KTI12: variants seen among roughly 807,000 people sequenced by gnomAD.
KTI12 encodes protein KTI12 homolog.
In KTI12, 8 loss-of-function variants were observed where a neutral mutation model predicts 8.8. That is an observed-to-expected ratio of 0.91 (90% confidence interval 0.53 to 1.64). KTI12 has a LOEUF of 1.64. Ranked by LOEUF, KTI12 falls within the 40% of genes most tolerant of loss-of-function variation. KTI12 has a pLI of 0.00. For missense variants in KTI12, 490 were observed against 492.1 expected (o/e 1.00, Z 0.04); for synonymous variants, 216 against 220.1 (o/e 0.98, Z 0.17).
rs752135997 is a variant in KTI12, at chr1:52,032,723, GAAGA to G, written c.1035_1038del (p.Leu346SerfsTer3). 841 of 1,611,916 alleles carry G rather than the reference GAAGA, an allele frequency of 5.2e-4. No individual in the cohort carries two copies. Among genetic ancestry groups the G allele is most frequent in the Non-Finnish European group, 6.9e-4 (813 of 1,178,730 alleles). On this transcript the variant is annotated frameshift_variant, in exon 1 of 1. Transcript: ENST00000371614. LOFTEE classifies it high-confidence loss of function. ...CAGTGCAGGCTCTGGCTCAAATACT[GAAGA>G]AACATGTTGGCCAGTTGCGGCAAGT...
rs1189631426 is a variant in KTI12, at chr1:52,032,854, G to T, written c.908C>A (p.Thr303Asn). 1.2e-6 allele frequency: 2 copies of T among 1,614,226 alleles called. No homozygotes were observed. The highest frequency in any genetic ancestry group is 2.2e-5 in the South Asian group (2 of 91,084). Residue 303 changes from threonine to asparagine, a missense_variant, in exon 1 of 1, where the codon ACC becomes AAC. Coordinates refer to ENST00000371614, the MANE Select transcript of KTI12 (RefSeq NM_138417.3). The part of the protein sequence containing the change: ...VPGDLLTLPG[T>N]TEHLRFTRPL... The stretch of plus-strand genomic sequence containing the variant: ...CCGGGTAAACCGCAAGTGCTCTGTG[G>T]TACCAGGAAGCGTGAGCAAGTCCCC...
rs1685819316 is a variant in KTI12, at chr1:52,033,492, C to T, written c.270G>A (p.Glu90=). The T allele has an allele frequency of 6.2e-7, 1 of 1,613,774 alleles. No individual in the cohort carries two copies. The highest frequency in any genetic ancestry group is 1.1e-5 in the South Asian group (1 of 91,090). Residue 90 remains glutamate (E), a synonymous_variant, in exon 1 of 1, where the codon GAG becomes GAA. Coordinates refer to ENST00000371614, the MANE Select transcript of KTI12 (RefSeq NM_138417.3). ...SLNYIKGFRY[E]LYCLARAART... ...GCGCCGCCCGTGCCAGGCAGTAGAGCTCGTAACGGAAACCTTTGATGTAGT... is the reference window on the plus strand; with the variant it reads ...GCGCCGCCCGTGCCAGGCAGTAGAGTTCGTAACGGAAACCTTTGATGTAGT...
chr1:52,032,305 G>A lies in KTI12; in HGVS notation c.*392C>T, dbSNP rs1185024385. The A allele has an allele frequency of 3.0e-6, 3 of 1,006,398 alleles. No individual in the cohort carries two copies. The highest frequency in any genetic ancestry group is 1.0e-4 in the East Asian group (1 of 9,716). 62.3% of individuals were successfully genotyped at this position (1,006,398 alleles called of 1,614,324 possible). ...AAAGGGCAGGTGCAGATGTAGAACT[G>A]TACCATCTTCAGTTTCTGTTCACAA... On this transcript the variant is annotated 3_prime_UTR_variant, in exon 1 of 1. Transcript: ENST00000371614.
At position 52,032,440 on chromosome 1, in the gene KTI12, C is replaced by A. The variant is rs2809918; in HGVS notation, c.*257G>T. The stretch of plus-strand genomic sequence containing the variant: ...CCAAGTAGGATCCAATCTAGGTAAT[C>A]CCTGTCCACCTTAGCTCTGTCCTCT... On this transcript the variant is annotated 3_prime_UTR_variant, in exon 1 of 1. Transcript: ENST00000371614. 51,918 of 1,239,744 alleles carry A rather than the reference C, an allele frequency of 0.042. 1,228 individuals are homozygous for A. Among genetic ancestry groups the A allele is most frequent in the Non-Finnish European group, 0.046 (45,180 of 989,878 alleles). 76.8% of individuals were successfully genotyped at this position (1,239,744 alleles called of 1,614,324 possible). A position where few individuals can be genotyped will look rare whatever the true frequency, so the allele number is the denominator to read the frequency against.
Position 52,033,662 on chromosome 1 carries a change from C to G in KTI12, c.100G>C (p.Val34Leu). ...CCCAGGACAGCTGCGTCGTCCACCA[C>G]GTACACCGCGCGGCCCTCGGCAGCC... Reference protein sequence around the residue: ...ALAAEGRAVYVVDDAAVLGAE... With the variant: ...ALAAEGRAVYLVDDAAVLGAE... Residue 34 changes from valine (V) to leucine (L), a missense_variant, in exon 1 of 1, where the codon GTG becomes CTG. Transcript: ENST00000371614. 1 of 1,611,276 alleles carries G rather than the reference C, an allele frequency of 6.2e-7. No individual in the cohort carries two copies. Among genetic ancestry groups the G allele is most frequent in the South Asian group, 1.1e-5 (1 of 91,058 alleles).
chr1:52,033,453 G>A lies in KTI12; in HGVS notation c.309C>T (p.Cys103=), dbSNP rs1685817983. 2 of 1,613,114 alleles carry A rather than the reference G, an allele frequency of 1.2e-6. No homozygotes were observed. The highest frequency in any genetic ancestry group is 1.7e-6 in the Non-Finnish European group (2 of 1,179,538). The change falls in exon 1 of 1, where the codon TGC becomes TGT. Residue 103 remains cysteine, a synonymous_variant. Coordinates refer to ENST00000371614, the MANE Select transcript of KTI12 (RefSeq NM_138417.3). ...CLARAARTPL[C]LVYCVRPGGP... ...CGCCGGGCCGTACGCAGTAGACCAG[G>A]CAGAGCGGGGTGCGCGCCGCCCGTG... is the stretch of plus-strand genomic sequence containing the variant.
At position 52,032,382 on chromosome 1, in the gene KTI12, G is replaced by A; in HGVS notation, c.*315C>T. The A allele has an allele frequency of 8.9e-7, 1 of 1,119,538 alleles. No individual in the cohort carries two copies. The highest frequency in any genetic ancestry group is 4.4e-5 in the Admixed American group (1 of 22,756). The allele number at this position is 1,119,538 out of a possible 1,614,324, so 69.4% of individuals were successfully genotyped here. A position where few individuals can be genotyped will look rare whatever the true frequency, so the allele number is the denominator to read the frequency against. ...CAGTCTGCTCTCCCACGCCTCAGAT[G>A]AGGGAAGCCAATGGTCAATGCTCTG... On this transcript the variant is annotated 3_prime_UTR_variant, in exon 1 of 1. Coordinates refer to ENST00000371614, the MANE Select transcript of KTI12 (RefSeq NM_138417.3).
rs746337963 is a variant in KTI12 at position 52,033,277 on chromosome 1, A to G, written c.485T>C (p.Val162Ala). Residue 162 changes from valine (V) to alanine (A), a missense_variant, in exon 1 of 1, where the codon GTA becomes GCA. By Grantham distance (64) the Val-to-Ala change is moderately conservative. Coordinates refer to ENST00000371614, the MANE Select transcript of KTI12 (RefSeq NM_138417.3). The stretch of plus-strand genomic sequence containing the variant: ...TACGTCGGCCTGGGCACTTCCATTT[A>G]CTACAGAGTCCGCAGTATGCAGTTC... ...LRELHTADSV[V>A]NGSAQADVPK... The G allele has an allele frequency of 5.0e-6, 8 of 1,613,768 alleles. No individual in the cohort carries two copies. The highest frequency in any genetic ancestry group is 6.8e-6 in the Non-Finnish European group (8 of 1,179,924).
Position 52,033,404 on chromosome 1 carries a change from C to T in KTI12, c.358G>A (p.Ala120Thr), listed in dbSNP as rs1341351705. 6.9e-7 allele frequency: 1 copy of T among 1,451,274 alleles called. No homozygotes were observed. The highest frequency in any genetic ancestry group is 1.5e-5 in the African/African-American group (1 of 66,302). 89.9% of individuals were successfully genotyped at this position (1,451,274 alleles called of 1,614,324 possible). The change falls in exon 1 of 1, where the codon GCG becomes ACG. Residue 120 changes from alanine (A) to threonine (T), a missense_variant. Ala to Thr is a moderately conservative substitution (Grantham distance 58). Transcript: ENST00000371614. Reference sequence around the variant, plus strand: ...CGGCCAGGGTTCTCGTTCGCGCCCGCCACCTGAGGTCCCGCGATCGGGCCG... The same window carrying T: ...CGGCCAGGGTTCTCGTTCGCGCCCGTCACCTGAGGTCCCGCGATCGGGCCG... Reference protein sequence around the residue: ...PGGPIAGPQVAGANENPGRNV... With the variant: ...PGGPIAGPQVTGANENPGRNV...
rs1454166828 is a variant in KTI12, at chr1:52,033,429, G to A, written c.333C>T (p.Gly111=). The A allele has an allele frequency of 2.5e-6, 4 of 1,611,422 alleles. No homozygotes were observed. The African/African-American group carries it at 5.3e-5, about 22-fold the overall frequency. The change falls in exon 1 of 1, where the codon GGC becomes GGT. Residue 111 remains glycine (G), a synonymous_variant. Transcript: ENST00000371614. ...CCACCTGAGGTCCCGCGATCGGGCCGCCGGGCCGTACGCAGTAGACCAGGC... is the reference window on the plus strand; with the variant it reads ...CCACCTGAGGTCCCGCGATCGGGCCACCGGGCCGTACGCAGTAGACCAGGC... ...PLCLVYCVRP[G]GPIAGPQVAG...
chr1:52,033,323 C>A lies in KTI12; in HGVS notation c.439G>T (p.Ala147Ser), dbSNP rs1685811111. Residue 147 changes from alanine (A) to serine (S), a missense_variant, in exon 1 of 1, where the codon GCG becomes TCG. Coordinates refer to ENST00000371614, the MANE Select transcript of KTI12 (RefSeq NM_138417.3). ...RAEEDGRAQAAGSSVLRELHT... is the reference protein window; with the variant it reads ...RAEEDGRAQASGSSVLRELHT... ...AGTTCCCTGAGGACGCTGCTGCCCG[C>A]CGCCTGGGCTCTCCCGTCCTCCTCA... 1.9e-6 allele frequency: 3 copies of A among 1,613,770 alleles called. No homozygotes were observed. The African/African-American group carries it at 4.0e-5, about 22-fold the overall frequency.
rs752499921 is a variant in KTI12 at position 52,032,911 on chromosome 1, C to A, written c.851G>T (p.Gly284Val). The change falls in exon 1 of 1, where the codon GGA (glycine) becomes GTA (valine). Residue 284 changes from glycine to valine, a missense_variant. Coordinates refer to ENST00000371614, the MANE Select transcript of KTI12 (RefSeq NM_138417.3). ...AGCGCTCTTCTGCGCTTCCATCAAT[C>A]CGGCCAGTACTTGACTCGTGACCTG... ...LDQVTSQVLAGLMEAQKSAVP... is the reference protein window; with the variant it reads ...LDQVTSQVLAVLMEAQKSAVP... 6.2e-7 allele frequency: 1 copy of A among 1,611,318 alleles called. No individual in the cohort carries two copies. Among genetic ancestry groups the A allele is most frequent in the East Asian group, 2.2e-5 (1 of 44,862 alleles).
chr1:52,033,463 G>C lies in KTI12; in HGVS notation c.299C>G (p.Thr100Ser), dbSNP rs780002153. Residue 100 changes from threonine (T) to serine (S), a missense_variant, in exon 1 of 1, where the codon ACC becomes AGC. Transcript: ENST00000371614. ...ELYCLARAAR[T>S]PLCLVYCVRP... ...TACGCAGTAGACCAGGCAGAGCGGG[G>C]TGCGCGCCGCCCGTGCCAGGCAGTA... 5 of 1,613,052 alleles carry C rather than the reference G, an allele frequency of 3.1e-6. No individual in the cohort carries two copies. Among genetic ancestry groups the C allele is most frequent in the Non-Finnish European group, 4.2e-6 (5 of 1,179,528 alleles).
chr1:52,032,913 G>A lies in KTI12; in HGVS notation c.849C>T (p.Ala283=), dbSNP rs758141732. The A allele has an allele frequency of 6.2e-7, 1 of 1,611,492 alleles. No individual in the cohort carries two copies. The highest frequency in any genetic ancestry group is 1.3e-5 in the African/African-American group (1 of 74,852). Residue 283 remains alanine (A), a synonymous_variant, in exon 1 of 1, where the codon GCC becomes GCT. Coordinates refer to ENST00000371614, the MANE Select transcript of KTI12 (RefSeq NM_138417.3). ...CGCTCTTCTGCGCTTCCATCAATCC[G>A]GCCAGTACTTGACTCGTGACCTGGT... ...QLDQVTSQVL[A]GLMEAQKSAV... is the part of the protein sequence containing the mutation.
rs991619644 is a variant in KTI12, at chr1:52,032,773, T to G, written c.989A>C (p.Lys330Thr). ...RLRRQFISYT[K>T]MHPNNENLPQ... ...CAAGTTCTCATTGTTGGGATGCATT[T>G]TAGTGTACGAAATAAACTGGCGACG... is the stretch of plus-strand genomic sequence containing the variant. The change falls in exon 1 of 1, where the codon AAA becomes ACA. Residue 330 changes from lysine (K) to threonine (T), a missense_variant. By Grantham distance (78) the Lys-to-Thr change is moderately conservative. Transcript: ENST00000371614. The G allele has an allele frequency of 6.2e-7, 1 of 1,614,050 alleles. No homozygotes were observed. Among genetic ancestry groups the G allele is most frequent in the Non-Finnish European group, 8.5e-7 (1 of 1,180,032 alleles).
rs1380159671 is a variant in KTI12 at position 52,032,923 on chromosome 1, T to TGA, written c.837_838dup (p.Gln280LeufsTer7). The TGA allele has an allele frequency of 6.2e-7, 1 of 1,609,154 alleles. No individual in the cohort carries two copies. ...CGCTTCCATCAATCCGGCCAGTACT[T>TGA]GACTCGTGACCTGGTCCAACTGGTG... On this transcript the variant is annotated frameshift_variant, in exon 1 of 1. Transcript: ENST00000371614. LOFTEE classifies it high-confidence loss of function.
rs377426971 is a variant in KTI12, at chr1:52,032,711, G to A, written c.1051C>T (p.Gln351Ter). 12 of 1,608,166 alleles carry A rather than the reference G, an allele frequency of 7.5e-6. No homozygotes were observed. The highest frequency in any genetic ancestry group is 1.0e-5 in the Non-Finnish European group (12 of 1,176,854). Residue 351 changes from glutamine (Q) to a stop codon, truncating the protein, a stop_gained, in exon 1 of 1, where the codon CAG becomes TAG. Coordinates refer to ENST00000371614, the MANE Select transcript of KTI12 (RefSeq NM_138417.3). LOFTEE classifies it high-confidence loss of function. ...ACCTCCTCTGGTCAGTGCAGGCTCTGGCTCAAATACTGAAGAAACATGTTG... is the reference window on the plus strand; with the variant it reads ...ACCTCCTCTGGTCAGTGCAGGCTCTAGCTCAAATACTGAAGAAACATGTTG... ...LANMFLQYLS[Q>*]SLH is the part of the protein sequence containing the mutation.
In KTI12 at chr1:52,033,333, T is replaced by G. The variant is rs767812689; in HGVS notation, c.429A>C (p.Arg143Ser). ...GGACGCTGCTGCCCGCCGCCTGGGCTCTCCCGTCCTCCTCAGCGCGTGGCC... is the reference window on the plus strand; with the variant it reads ...GGACGCTGCTGCCCGCCGCCTGGGCGCTCCCGTCCTCCTCAGCGCGTGGCC... ...SWRPRAEEDG[R>S]AQAAGSSVLR... is the part of the protein sequence containing the mutation. The change falls in exon 1 of 1, where the codon AGA becomes AGC. Residue 143 changes from arginine (R) to serine (S), a missense_variant. Arg to Ser is a moderately radical substitution (Grantham distance 110). Coordinates refer to ENST00000371614, the MANE Select transcript of KTI12 (RefSeq NM_138417.3). 4 of 1,613,758 alleles carry G rather than the reference T, an allele frequency of 2.5e-6. No homozygotes were observed. Among genetic ancestry groups the G allele is most frequent in the Non-Finnish European group, 3.4e-6 (4 of 1,179,974 alleles).
In KTI12 at chr1:52,033,706, T is replaced by C. The variant is rs1685826271; in HGVS notation, c.56A>G (p.Glu19Gly). 8 of 1,611,022 alleles carry C rather than the reference T, an allele frequency of 5.0e-6. No homozygotes were observed. Among genetic ancestry groups the C allele is most frequent in the Non-Finnish European group, 6.8e-6 (8 of 1,179,386 alleles). ...GGCAGCCAGCGCCACGCGCAACTCT[T>C]CAGCACGCCGGCTCTTGCCGCTGTA... ...LPYSGKSRRA[E>G]ELRVALAAEG... The change falls in exon 1 of 1, where the codon GAA becomes GGA. Residue 19 changes from glutamate (E) to glycine (G), a missense_variant. By Grantham distance (98) the Glu-to-Gly change is moderately conservative (BLOSUM62 -2). Transcript: ENST00000371614.
Sources: allele counts gnomAD v4.1 joint callset, GRCh38; gene constraint gnomAD v4.1.1; transcripts MANE v1.5; gene names NCBI Gene and HGNC (gene_info 2026-07-23, HGNC 2026-07-21).